The following PDE8A variants were observed in gnomAD, a reference collection of about 807,000 sequenced individuals.
PDE8A encodes the protein high affinity cAMP-specific and IBMX-insensitive 3',5'-cyclic phosphodiesterase 8A.
A neutral mutation model predicts 105.0 loss-of-function variants in PDE8A; 59 were observed. That is an observed-to-expected ratio of 0.56 (90% confidence interval 0.46 to 0.70). The LOEUF is 0.70. Ranked by LOEUF, PDE8A falls within the 30% of genes least tolerant of loss-of-function variation. The pLI, the probability that PDE8A is intolerant of heterozygous loss-of-function variation, is 0.00. For missense variants in PDE8A, 1,014 were observed against 1,045.9 expected, an observed-to-expected ratio of 0.97 and a Z score of 0.42; for synonymous variants, 355 against 371.9, an observed-to-expected ratio of 0.95 and a Z score of 0.52.
In PDE8A at chr15:84,988,548, T is replaced by C. The variant is rs2079838922; in HGVS notation, c.186+6200T>C. Reference sequence around the variant, plus strand: ...TGGGAGGGCATCCCTTGGGAGTTTTTTTCCTTTCCCCTTTCTCCTGCTCAG... The same window carrying C: ...TGGGAGGGCATCCCTTGGGAGTTTTCTTCCTTTCCCCTTTCTCCTGCTCAG... On this transcript the variant is annotated intron_variant, in intron 1 of 21. Coordinates refer to ENST00000394553, the MANE Select transcript of PDE8A (RefSeq NM_002605.3). Among the ~76,000 whole-genome samples the C allele has an allele frequency of 3.3e-5, 5 of 152,242 alleles. No homozygotes were observed. The Middle Eastern group carries it at 0.017, about 518-fold the overall frequency.
At chr15:85,117,451 T>TGG (rs1193012816) in intron 16 of PDE8A, among the ~76,000 whole-genome samples, 190 bp from the exon 17 acceptor site, 1 of 152,168 alleles carries the variant, frequency 6.6e-6, no homozygotes, top group Non-Finnish European at 1.5e-5. Context: ...CCGTGCATCA[T>TGG]GGTCCCCTGA....
At chr15:85,042,786 G>A (rs1165211964) in intron 1 of PDE8A, among the ~76,000 whole-genome samples, 5 of 152,248 alleles carry the variant, frequency 3.3e-5, no homozygotes, top group Admixed American at 2.0e-4. Context: ...CTTCATATCT[G>A]TTACTCATTT....
intron 6 of PDE8A, among the ~76,000 whole-genome samples, chr15:85,084,391 G>A (rs1938671995): frequency 6.6e-6 from 1 of 152,022 alleles, no homozygotes; most frequent in Admixed American, 6.5e-5. Flanking sequence ...AGCGGGCAGA[G>A]TGTGAGTTAG....
chr15:85,135,507 C>A (rs2082394784), intron 20 of PDE8A, among the ~76,000 whole-genome samples: 2 of 152,042 alleles, frequency 1.3e-5, no homozygotes, highest in African/African-American at 2.4e-5. Context: ...TCCCCCCAGC[C>A]CACTCCTACC....
intron 12 of PDE8A, 57 bp from the exon 13 acceptor site, chr15:85,113,320 T>G (rs2082046055): frequency 6.9e-7 from 1 of 1,441,846 alleles, no homozygotes; most frequent in African/African-American, 1.4e-5. Context: ...CCCTCTGCTG[T>G]CAAGACAGGT....
intron 10 of PDE8A, 38 bp from the exon 11 acceptor site, chr15:85,100,118 A>G (rs1328396053): frequency 6.2e-7 from 1 of 1,613,000 alleles, no homozygotes; most frequent in Non-Finnish European, 8.5e-7. Flanking sequence ...CAAGATTTTC[A>G]GCAATCAGAA....
intron 1 of PDE8A, among the ~76,000 whole-genome samples, chr15:85,015,734 A>G (rs289418): frequency 0.6 from 91,760 of 152,026 alleles, 27,834 homozygotes; most frequent in African/African-American, 0.66. Context: ...ATCTGTCCAT[A>G]TCACTCTAGA....
intron 3 of PDE8A, among the ~76,000 whole-genome samples, chr15:85,068,509 C>G (rs2081265080): frequency 6.6e-6 from 1 of 152,182 alleles, no homozygotes; most frequent in South Asian, 2.1e-4. Flanking sequence ...TCTGCCTTCT[C>G]TGGGGATGTT....
intron 8 of PDE8A, among the ~76,000 whole-genome samples, chr15:85,095,025 C>T (rs944288646): frequency 2.0e-5 from 3 of 152,212 alleles, no homozygotes; most frequent in African/African-American, 7.2e-5. Flanking sequence ...TGTGCACACA[C>T]TGTGCCCACC....
At position 85,098,011 on chromosome 15, in the gene PDE8A, A is replaced by C. The variant is rs746873093; in HGVS notation, c.916A>C (p.Ile306Leu). Residue 306 changes from isoleucine to leucine, a missense_variant, in exon 9 of 22, where the codon ATA (isoleucine) becomes CTA (leucine). Physicochemically the swap from Ile to Leu is conservative, Grantham distance 5. Coordinates refer to ENST00000394553, the MANE Select transcript of PDE8A (RefSeq NM_002605.3). ...AGATAATATACAACAAAATGTGAAG[A>C]TAATACCTGTCATTGGACAGGGAGG... is the stretch of plus-strand genomic sequence containing the variant. ...NGDNIQQNVK[I>L]IPVIGQGGKI... 4.3e-5 allele frequency: 69 copies of C among 1,600,662 alleles called. 1 individual carries two copies. The East Asian group carries it at 1.4e-3, about 32-fold the overall frequency.
rs527793566 is a variant in PDE8A, at chr15:85,057,138, C to A, written c.187-7232C>A. ...GCGGAGAACCACAAATACTGCAGAA[C>A]GGCAAATGTTGCTGCCTGATCATCC... On this transcript the variant is annotated intron_variant, in intron 1 of 21. Coordinates refer to ENST00000394553, the MANE Select transcript of PDE8A (RefSeq NM_002605.3). 6.6e-5 allele frequency among the ~76,000 whole-genome samples: 10 copies of A among 152,274 alleles called. No homozygotes were observed. In the South Asian group the frequency reaches 2.1e-3, roughly 32 times the overall value.
Position 85,064,435 on chromosome 15 carries a change from G to A in PDE8A, c.243+9G>A, listed in dbSNP as rs374503910. Reference sequence around the variant, plus strand: ...ATCAAGATCAACTTCAGGTAATAATGAACGATGCTGTATTTTTCACATGCT... The same window carrying A: ...ATCAAGATCAACTTCAGGTAATAATAAACGATGCTGTATTTTTCACATGCT... On this transcript the variant is annotated intron_variant, in intron 2 of 21. Coordinates refer to ENST00000394553, the MANE Select transcript of PDE8A (RefSeq NM_002605.3). The A allele has an allele frequency of 8.8e-6, 14 of 1,585,052 alleles. No homozygotes were observed. In the African/African-American group the frequency reaches 1.6e-4, roughly 18 times the overall value.
intron 8 of PDE8A, among the ~76,000 whole-genome samples, chr15:85,093,956 C>A (rs1486043735): frequency 6.6e-6 from 1 of 152,022 alleles, no homozygotes; most frequent in East Asian, 1.9e-4. Context: ...ATCTCCCAGG[C>A]TCAAGCGATT....
At chr15:84,993,727 A>T (rs897953389) in intron 1 of PDE8A, among the ~76,000 whole-genome samples, 1 of 151,298 alleles carries the variant, frequency 6.6e-6, no homozygotes, top group South Asian at 2.1e-4. Context: ...ATAAAAAAAA[A>T]TAATAATAAA....
At chr15:85,097,726 C>A in intron 8 of PDE8A, 1 of 488,432 alleles carries the variant, frequency 2.0e-6, no homozygotes, top group Non-Finnish European at 3.7e-6. Context: ...AAATATATGA[C>A]CACTTAGACT....
chr15:85,044,188 A>T (rs571703043), intron 1 of PDE8A, among the ~76,000 whole-genome samples: 1 of 152,346 alleles, frequency 6.6e-6, no homozygotes, highest in East Asian at 1.9e-4. Flanking sequence ...TAGCTTATTT[A>T]ATCTGGATAT....
Position 85,074,087 on chromosome 15 carries a change from G to A in PDE8A, c.435-1775G>A, listed in dbSNP as rs1266651773. Among the ~76,000 whole-genome samples the A allele has an allele frequency of 2.0e-5, 3 of 152,232 alleles. No individual in the cohort carries two copies. The East Asian group carries it at 5.8e-4, about 29-fold the overall frequency. On this transcript the variant is annotated intron_variant, in intron 3 of 21. Transcript: ENST00000394553. The stretch of plus-strand genomic sequence containing the variant: ...GCAGGGATGTTGAGGGGGTGGGGAA[G>A]AAGTGAACATGAGAGAGACTGGCTG...
At chr15:85,055,875 C>T (rs976482249) in intron 1 of PDE8A, among the ~76,000 whole-genome samples, 7 of 152,030 alleles carry the variant, frequency 4.6e-5, no homozygotes, top group African/African-American at 1.4e-4. Context: ...TTATTTTGCT[C>T]GTTAGTTGAT....
At chr15:85,090,956 G>A (rs904210197) in intron 7 of PDE8A, 88 bp from the exon 8 acceptor site, 1 of 1,213,664 alleles carries the variant, frequency 8.2e-7, no homozygotes, top group African/African-American at 1.5e-5. Context: ...GGAAAAACCT[G>A]AAGGGCTTAG....
Sources: gnomAD v4.1 joint callset for allele counts (sites outside exome capture counted in the v4.1 genomes callset) on GRCh38, gnomAD v4.1.1 for gene constraint, MANE v1.5 for transcripts, NCBI Gene and HGNC (gene_info 2026-07-23, HGNC 2026-07-21) for gene names.